VDAC1: variants seen among roughly 807,000 people sequenced by gnomAD.
The protein encoded by VDAC1 is non-selective voltage-gated ion channel VDAC1.
A neutral mutation model predicts 34.7 loss-of-function variants in VDAC1; 10 were observed. The observed-to-expected ratio is 0.29, with a 90% confidence interval of 0.18 to 0.49. The LOEUF (loss-of-function observed/expected upper bound fraction) is 0.49. Among genes scored for constraint, VDAC1 ranks in the 20% least tolerant of loss-of-function variants. The probability of loss-of-function intolerance (pLI) is 0.99; values close to 1 mark genes in which losing one functional copy is unlikely to be tolerated. For missense variants in VDAC1, 230 were observed against 347.9 expected (o/e 0.66, Z 2.69); for synonymous variants, 130 against 136.0 (o/e 0.96, Z 0.30).
chr5:134,089,664 T>C, the VDAC1 span, among the ~76,000 whole-genome samples: 1 of 147,566 alleles, frequency 6.8e-6, no homozygotes, highest in Admixed American at 6.7e-5. Flanking sequence ...AAAATGTGGC[T>C]CATGGCCGGG....
At chr5:134,003,647 G>A (rs1016145902) in intron 1 of VDAC1, among the ~76,000 whole-genome samples, 2 of 152,188 alleles carry the variant, frequency 1.3e-5, no homozygotes, top group African/African-American at 4.8e-5. Flanking sequence ...GCGGGGGATG[G>A]GCTGGATTCA....
At chr5:133,976,123 G>A in intron 6 of VDAC1, 102 bp from the exon 7 acceptor site, 4 of 1,438,342 alleles carry the variant, frequency 2.8e-6, no homozygotes, top group Non-Finnish European at 3.9e-6. Flanking sequence ...GACAGAAATG[G>A]ACTGAACCAA....
chr5:134,064,936 T>G, the VDAC1 span, among the ~76,000 whole-genome samples: 2 of 152,070 alleles, frequency 1.3e-5, no homozygotes, highest in African/African-American at 4.8e-5. Context: ...CCCAGGTTGG[T>G]CTTGAACTTG....
the VDAC1 span, among the ~76,000 whole-genome samples, chr5:134,043,870 G>C: frequency 6.6e-6 from 1 of 152,062 alleles, no homozygotes; most frequent in Non-Finnish European, 1.5e-5. Context: ...TTTTTCTTAA[G>C]CTCCCATTTT....
the VDAC1 span, among the ~76,000 whole-genome samples, chr5:134,091,173 C>G: frequency 9.8e-5 from 15 of 152,354 alleles, no homozygotes; most frequent in African/African-American, 2.9e-4. Context: ...GGGTCTAACT[C>G]TAGCACAGTC....
At chr5:134,032,892 G>A in the VDAC1 span, among the ~76,000 whole-genome samples, 2 of 152,026 alleles carry the variant, frequency 1.3e-5, no homozygotes, top group Non-Finnish European at 2.9e-5. Context: ...ATAATGCCAG[G>A]TGCAGTGGTA....
chr5:134,062,286 G>A, the VDAC1 span, among the ~76,000 whole-genome samples: 2 of 151,714 alleles, frequency 1.3e-5, no homozygotes, highest in Admixed American at 1.3e-4. Context: ...TGCCTGGCTG[G>A]TCAAGAGTTT....
the VDAC1 span, among the ~76,000 whole-genome samples, chr5:134,024,617 G>A: frequency 6.7e-6 from 1 of 149,254 alleles, no homozygotes; most frequent in Non-Finnish European, 1.5e-5. Context: ...AAAAAAAAGA[G>A]TAAATAAATA....
the VDAC1 span, among the ~76,000 whole-genome samples, chr5:134,067,174 C>T: frequency 6.6e-6 from 1 of 150,380 alleles, no homozygotes; most frequent in East Asian, 2.0e-4. Context: ...CTTCTGGGTT[C>T]AAGCGATTCT....
chr5:134,002,826 G>T (rs987575884), intron 1 of VDAC1, among the ~76,000 whole-genome samples: 3 of 152,070 alleles, frequency 2.0e-5, no homozygotes, highest in South Asian at 2.1e-4. Context: ...TTAGCCAGGC[G>T]TGGTGGTGTG....
chr5:134,041,902 C>A, the VDAC1 span, among the ~76,000 whole-genome samples: 3 of 152,208 alleles, frequency 2.0e-5, no homozygotes, highest in African/African-American at 7.2e-5. Context: ...ACCCTCGAAG[C>A]TCCTGAGGTG....
the VDAC1 span, among the ~76,000 whole-genome samples, chr5:134,033,044 C>T: frequency 1.4e-5 from 2 of 146,694 alleles, no homozygotes; most frequent in African/African-American, 2.5e-5. Flanking sequence ...GGGGAGGGGA[C>T]GGGAAGGGAG....
chr5:134,033,862 G>A, the VDAC1 span, among the ~76,000 whole-genome samples: 2 of 151,424 alleles, frequency 1.3e-5, no homozygotes, highest in Non-Finnish European at 1.5e-5. Flanking sequence ...AGTGGTGGCA[G>A]GCGCCTGTAG....
the VDAC1 span, among the ~76,000 whole-genome samples, chr5:134,021,578 A>C: frequency 3.9e-5 from 6 of 152,000 alleles, no homozygotes; most frequent in Non-Finnish European, 5.9e-5. Flanking sequence ...AAAAGAAAAA[A>C]GAAGCCTTCT....
At chr5:134,102,489 A>G in the VDAC1 span, among the ~76,000 whole-genome samples, 2 of 152,004 alleles carry the variant, frequency 1.3e-5, no homozygotes, top group Non-Finnish European at 2.9e-5. Flanking sequence ...ACCAACATGG[A>G]GAAACCCCGT....
At chr5:134,033,719 G>A in the VDAC1 span, among the ~76,000 whole-genome samples, 9,918 of 151,402 alleles carry the variant, frequency 0.066, 515 homozygotes, top group South Asian at 0.22. Context: ...TAGGCCGGGT[G>A]CGATGGCTCA....
At chr5:134,024,195 A>C in the VDAC1 span, among the ~76,000 whole-genome samples, 2 of 151,568 alleles carry the variant, frequency 1.3e-5, no homozygotes, top group Non-Finnish European at 2.9e-5. Context: ...GAGAGCCCTG[A>C]CCTGACTTGA....
At chr5:134,034,448 C>G in the VDAC1 span, among the ~76,000 whole-genome samples, 2 of 152,138 alleles carry the variant, frequency 1.3e-5, no homozygotes, top group African/African-American at 2.4e-5. Context: ...AAAGGAGATG[C>G]GTGACACAGG....
At chr5:134,062,647 G>A in the VDAC1 span, among the ~76,000 whole-genome samples, 6 of 151,520 alleles carry the variant, frequency 4.0e-5, no homozygotes, top group Non-Finnish European at 5.9e-5. Context: ...CTTTGTTTGC[G>A]ATGGAGTCTT....
Sources: gnomAD v4.1 joint callset for allele counts (sites outside exome capture counted in the v4.1 genomes callset) on GRCh38, gnomAD v4.1.1 for gene constraint, MANE v1.5 for transcripts, NCBI Gene and HGNC (gene_info 2026-07-23, HGNC 2026-07-21) for gene names.